The following HIF3A variants were observed in gnomAD, a reference collection of about 807,000 sequenced individuals.
HIF3A encodes the protein hypoxia-inducible factor 3-alpha.
Under a neutral mutation model 67.2 loss-of-function variants are expected in HIF3A, and 41 were observed. That is an observed-to-expected ratio of 0.61 (90% CI 0.48 to 0.79). The LOEUF (loss-of-function observed/expected upper bound fraction) is 0.79. HIF3A is among the 30% of genes least tolerant of loss of function. The pLI, the probability that HIF3A is intolerant of heterozygous loss-of-function variation, is 0.00. For synonymous variants in HIF3A, 356 were observed against 374.8 expected, an observed-to-expected ratio of 0.95 and a Z score of 0.58; for missense variants, 855 against 898.0, an observed-to-expected ratio of 0.95 and a Z score of 0.61.
intron 6 of HIF3A, among the ~76,000 whole-genome samples, 175 bp downstream of exon 6, chr19:46,309,534 C>CT (rs1969244934): frequency 6.6e-6 from 1 of 151,586 alleles, no homozygotes; most frequent in Non-Finnish European, 1.5e-5. Context: ...TATATCTTTT[C>CT]TTTTTTTGTA....
intron 1 of HIF3A, among the ~76,000 whole-genome samples, chr19:46,301,004 G>A (rs753864132): frequency 6.6e-6 from 1 of 152,154 alleles, no homozygotes; most frequent in Non-Finnish European, 1.5e-5. Context: ...CCCCAGCTCC[G>A]TGAGGCCCTC....
At chr19:46,300,486 C>T (rs1336980630) in intron 1 of HIF3A, among the ~76,000 whole-genome samples, 4 of 152,254 alleles carry the variant, frequency 2.6e-5, no homozygotes, top group African/African-American at 9.6e-5. Flanking sequence ...CATAGTGAAA[C>T]CCTGTCTCTA....
chr19:46,310,512 T>C (rs777241088), intron 6 of HIF3A: 7 of 437,938 alleles, frequency 1.6e-5, no homozygotes, highest in Non-Finnish European at 3.2e-5. Context: ...CCTTCTTCTG[T>C]CTTATCCCTC....
chr19:46,338,527 C>CT, intron 14 of HIF3A: 2 of 1,141,546 alleles, frequency 1.8e-6, no homozygotes, highest in Non-Finnish European at 2.2e-6. Context: ...AATGAATAAA[C>CT]TCTCATAAAT....
chr19:46,337,004 A>G (rs1971675224), intron 14 of HIF3A, among the ~76,000 whole-genome samples: 1 of 152,090 alleles, frequency 6.6e-6, no homozygotes, highest in Non-Finnish European at 1.5e-5. Context: ...ATAAATATAA[A>G]TATAAACAAA....
chr19:46,298,335 T>TG (rs1195189449), intron 1 of HIF3A: 6 of 1,262,522 alleles, frequency 4.8e-6, no homozygotes, highest in Admixed American at 2.4e-5. Context: ...CCTGGCTGGG[T>TG]GGGGGCCCCT....
intron 8 of HIF3A, among the ~76,000 whole-genome samples, chr19:46,316,536 C>T (rs771154766): frequency 6.6e-5 from 10 of 152,072 alleles, no homozygotes; most frequent in Non-Finnish European, 1.2e-4. Flanking sequence ...TGCGCAGTGG[C>T]TCATGCCTAT....
At chr19:46,313,107 C>T (rs1244964167) in intron 8 of HIF3A, 3 of 639,112 alleles carry the variant, frequency 4.7e-6, no homozygotes, top group Non-Finnish European at 5.8e-6. Context: ...AAAAATTAGC[C>T]GGGTGTGGTG....
In HIF3A at chr19:46,315,359, G is replaced by A. The variant is rs866952735; in HGVS notation, c.1025+2706G>A. The stretch of plus-strand genomic sequence containing the variant: ...TGGAATTACAGGCGTGAGCCACCGC[G>A]CCCAGCCCATGTTGTGGTTTATATC... On this transcript the variant is annotated intron_variant, in intron 8 of 14. Coordinates refer to ENST00000377670, the MANE Select transcript of HIF3A (RefSeq NM_152795.4). Among the ~76,000 whole-genome samples the A allele has an allele frequency of 1.0e-4, 15 of 146,728 alleles. 2 individuals are homozygous for A. The highest frequency in any genetic ancestry group is 2.2e-4 in the African/African-American group (9 of 40,480).
chr19:46,338,354 C>T (rs998308607), intron 14 of HIF3A: 16 of 420,990 alleles, frequency 3.8e-5, no homozygotes, highest in South Asian at 2.1e-4. Context: ...AGCTATGTGC[C>T]ATCATGCCTG....
Position 46,342,321 on chromosome 19 carries a change from T to G in HIF3A, c.*2699T>G, listed in dbSNP as rs1433203929. 2.6e-5 allele frequency: 4 copies of G among 152,256 alleles called. No homozygotes were observed. Among genetic ancestry groups the G allele is most frequent in the South Asian group, 4.1e-4 (2 of 4,820 alleles). The allele number at this position is 152,256 out of a possible 1,614,324, so 9.4% of individuals were successfully genotyped here. ...TTTAGATCTTACCACCCTCAACTCCTTCTGATTCTAGATCTTATGGTTCCC... is the reference window on the plus strand; with the variant it reads ...TTTAGATCTTACCACCCTCAACTCCGTCTGATTCTAGATCTTATGGTTCCC... On this transcript the variant is annotated 3_prime_UTR_variant, in exon 15 of 15. Transcript: ENST00000377670.
At chr19:46,305,165 G>A (rs781069977) in intron 2 of HIF3A, 80 bp from the exon 3 acceptor site, 1 of 1,600,246 alleles carries the variant, frequency 6.2e-7, no homozygotes. Context: ...GAAAGGCAGA[G>A]GGAGGCTAGC....
At chr19:46,330,082 A>G (rs1971085756) in intron 12 of HIF3A, among the ~76,000 whole-genome samples, 1 of 151,996 alleles carries the variant, frequency 6.6e-6, no homozygotes, top group African/African-American at 2.4e-5. Context: ...TGGAAAAAAG[A>G]AAAGAAACTG....
Position 46,343,071 on chromosome 19 carries a change from G to A in HIF3A, c.*3449G>A, listed in dbSNP as rs1458676945. ...GGTGCTGTCTGCATATTGCCAGGTG[G>A]GGAGAGAAGCCAGGACCCCTCAGCT... On this transcript the variant is annotated 3_prime_UTR_variant, in exon 15 of 15. Coordinates refer to ENST00000377670, the MANE Select transcript of HIF3A (RefSeq NM_152795.4). The A allele has an allele frequency of 6.5e-6, 1 of 152,710 alleles. No homozygotes were observed. The highest frequency in any genetic ancestry group is 6.6e-5 in the Admixed American group (1 of 15,264). 9.5% of individuals were successfully genotyped at this position (152,710 alleles called of 1,614,324 possible). A position where few individuals can be genotyped will look rare whatever the true frequency, so the allele number is the denominator to read the frequency against.
chr19:46,302,376 C>T (rs559381610), intron 1 of HIF3A, among the ~76,000 whole-genome samples: 14 of 152,172 alleles, frequency 9.2e-5, no homozygotes, highest in Admixed American at 6.5e-4. Flanking sequence ...GTGATCCGCC[C>T]GCCTCGGCCT....
At position 46,312,553 on chromosome 19, in the gene HIF3A, C is replaced by G; in HGVS notation, c.925C>G (p.Arg309Gly). 1 of 1,613,692 alleles carries G rather than the reference C, an allele frequency of 6.2e-7. No homozygotes were observed. The highest frequency in any genetic ancestry group is 1.3e-5 in the African/African-American group (1 of 75,010). Residue 309 changes from arginine to glycine, a missense_variant, in exon 8 of 15, where the codon CGG becomes GGG. Physicochemically the swap from Arg to Gly is moderately radical, Grantham distance 125. This residue lies in a region of HIF3A where 638 missense variants were observed against 660.5 expected (regional missense o/e 0.97). Transcript: ENST00000377670. ...AVTGQYRFLA[R>G]SGGYLWTQTQ... is the part of the protein sequence containing the mutation. The stretch of plus-strand genomic sequence containing the variant: ...AACAGGGCAGTATCGCTTCCTGGCC[C>G]GGAGTGGTGGCTACCTGTGGACCCA...
At chr19:46,312,368 C>T in intron 7 of HIF3A, 101 bp downstream of exon 7, 1 of 1,609,466 alleles carries the variant, frequency 6.2e-7, no homozygotes, top group Non-Finnish European at 8.5e-7. Context: ...CACTGCCTCC[C>T]CACCTCAACA....
At position 46,331,374 on chromosome 19, in the gene HIF3A, G is replaced by T. The variant is rs751820976; in HGVS notation, c.1830+101G>T. The stretch of plus-strand genomic sequence containing the variant: ...AACCAGAGAGGGGCAGGGGCTGGTT[G>T]AGGGTCATACAGAAAGTCAGTGGGC... On this transcript the variant is annotated intron_variant, in intron 13 of 14. Transcript: ENST00000377670. 18 of 907,218 alleles carry T rather than the reference G, an allele frequency of 2.0e-5. No homozygotes were observed. The East Asian group carries it at 4.2e-4, about 21-fold the overall frequency. The allele number at this position is 907,218 out of a possible 1,614,324, so 56.2% of individuals were successfully genotyped here. A position where few individuals can be genotyped will look rare whatever the true frequency, so the allele number is the denominator to read the frequency against.
At chr19:46,322,628 G>T (rs1015550252) in intron 10 of HIF3A, among the ~76,000 whole-genome samples, 5 of 151,774 alleles carry the variant, frequency 3.3e-5, no homozygotes, top group Non-Finnish European at 2.9e-5. Flanking sequence ...TTTAGTAGAG[G>T]CAGGGTTTCA....
Sources: allele counts gnomAD v4.1 joint callset (sites outside exome capture counted in the v4.1 genomes callset), GRCh38; gene constraint gnomAD v4.1.1; regional missense constraint gnomAD v4.1.1; transcripts MANE v1.5; gene names NCBI Gene and HGNC (gene_info 2026-07-23, HGNC 2026-07-21).